The following STPG2 variants were observed in gnomAD, a reference collection of about 807,000 sequenced individuals.
The protein encoded by STPG2 is sperm-tail PG-rich repeat-containing protein 2.
Under a neutral mutation model 54.2 loss-of-function variants are expected in STPG2, and 56 were observed. The observed-to-expected ratio is 1.03, with a 90% confidence interval of 0.83 to 1.29. The LOEUF (loss-of-function observed/expected upper bound fraction) is 1.29. Among genes scored for constraint, STPG2 ranks in the 50% most tolerant of loss-of-function variants. The pLI is 0.00. For synonymous variants in STPG2, 200 were observed against 181.8 expected (o/e 1.10, Z -0.81); for missense variants, 596 against 544.9 (o/e 1.09, Z -0.93).
intron 7 of STPG2, among the ~76,000 whole-genome samples, chr4:97,965,082 C>T (rs1207088286): frequency 6.6e-6 from 1 of 152,184 alleles, no homozygotes; most frequent in Non-Finnish European, 1.5e-5. Context: ...TTTCCCTTTC[C>T]TAGCCAAGGG....
At chr4:97,776,606 T>C (rs2149066860) in intron 9 of STPG2, among the ~76,000 whole-genome samples, 1 of 152,318 alleles carries the variant, frequency 6.6e-6, no homozygotes, top group South Asian at 2.1e-4. Flanking sequence ...TGATGAGATC[T>C]GTCTAGTGTT....
At chr4:97,710,763 A>C (rs567771740) in intron 10 of STPG2, among the ~76,000 whole-genome samples, 1 of 152,080 alleles carries the variant, frequency 6.6e-6, no homozygotes, top group Non-Finnish European at 1.5e-5. Context: ...TCTTTAAAGA[A>C]GGAAAATTAT....
At chr4:97,801,057 C>A (rs1727379244) in intron 9 of STPG2, among the ~76,000 whole-genome samples, 1 of 152,094 alleles carries the variant, frequency 6.6e-6, no homozygotes, top group African/African-American at 2.4e-5. Context: ...TCGGACTGAC[C>A]CAATTTTCCA....
At chr4:98,098,113 A>G (rs899080159) in intron 5 of STPG2, among the ~76,000 whole-genome samples, 7 of 152,136 alleles carry the variant, frequency 4.6e-5, no homozygotes, top group Non-Finnish European at 1.0e-4. Context: ...CAGAAACAAA[A>G]AGAAAAAAAC....
chr4:97,768,581 T>C (rs983945946), intron 9 of STPG2, among the ~76,000 whole-genome samples: 1 of 152,214 alleles, frequency 6.6e-6, no homozygotes, highest in Non-Finnish European at 1.5e-5. Context: ...TGTTCAAAAC[T>C]GGCAGTAATA....
At chr4:98,088,994 C>G (rs13149779) in intron 5 of STPG2, among the ~76,000 whole-genome samples, 1 of 151,910 alleles carries the variant, frequency 6.6e-6, no homozygotes, top group African/African-American at 2.4e-5. Flanking sequence ...TAACAACTCT[C>G]TTGAAATTCA....
intron 9 of STPG2, among the ~76,000 whole-genome samples, chr4:97,750,043 C>A (rs932525036): frequency 2.0e-5 from 3 of 151,762 alleles, no homozygotes; most frequent in African/African-American, 7.2e-5. Flanking sequence ...GCATATAATA[C>A]AAATGCTATT....
intron 4 of STPG2, among the ~76,000 whole-genome samples, chr4:97,553,151 A>T (rs978978361): frequency 6.6e-6 from 1 of 152,190 alleles, no homozygotes; most frequent in African/African-American, 2.4e-5. Context: ...TTTCTTTATG[A>T]CATGAATGTT....
intron 9 of STPG2, among the ~76,000 whole-genome samples, chr4:97,749,919 T>C (rs1725532598): frequency 6.6e-6 from 1 of 151,744 alleles, no homozygotes. Context: ...GAGGCCTTGG[T>C]TGAGGACAGT....
intron 10 of STPG2, among the ~76,000 whole-genome samples, chr4:97,701,458 C>G (rs1232782639): frequency 6.6e-6 from 1 of 152,124 alleles, no homozygotes; most frequent in Non-Finnish European, 1.5e-5. Flanking sequence ...TTTCCCTTTC[C>G]CCAATGCACA....
chr4:98,005,345 A>G (rs545733934), intron 5 of STPG2, among the ~76,000 whole-genome samples: 3 of 152,322 alleles, frequency 2.0e-5, no homozygotes, highest in Non-Finnish European at 2.9e-5. Context: ...GCATCCTTCA[A>G]TCCAATCAAG....
intron 7 of STPG2, among the ~76,000 whole-genome samples, chr4:97,961,207 G>T (rs1464637872): frequency 6.6e-6 from 1 of 152,026 alleles, no homozygotes; most frequent in Non-Finnish European, 1.5e-5. Context: ...CTCAAGATGG[G>T]TCAAGAACTT....
chr4:98,041,030 C>T (rs1736937304), intron 5 of STPG2, among the ~76,000 whole-genome samples: 11 of 151,490 alleles, frequency 7.3e-5, no homozygotes. Context: ...CAGTGTTTCA[C>T]CATTTTCCTT....
intron 9 of STPG2, among the ~76,000 whole-genome samples, chr4:97,729,750 G>A (rs1423381448): frequency 6.6e-6 from 1 of 152,086 alleles, no homozygotes; most frequent in African/African-American, 2.4e-5. Flanking sequence ...AAATACTAAA[G>A]GACCCAGACA....
chr4:98,143,034 C>T lies in STPG2; in HGVS notation c.109+8G>A. ...GTCACAGGAGCTCTGCCTCTTCCTA[C>T]ATCTTACCTGTCGCCTGCTGCTTCA... On this transcript the variant is annotated splice_region_variant and intron_variant, in intron 1 of 10. Coordinates refer to ENST00000295268, the MANE Select transcript of STPG2 (RefSeq NM_174952.3). 6.2e-7 allele frequency: 1 copy of T among 1,606,908 alleles called. No homozygotes were observed. Among genetic ancestry groups the T allele is most frequent in the Non-Finnish European group, 8.5e-7 (1 of 1,175,686 alleles).
At chr4:98,103,838 C>A (rs977941423) in intron 5 of STPG2, among the ~76,000 whole-genome samples, 5 of 152,094 alleles carry the variant, frequency 3.3e-5, no homozygotes, top group Non-Finnish European at 5.9e-5. Context: ...ATTTTCTTCT[C>A]ATCTTTGTAT....
At chr4:97,524,676 CCT>C (rs1731247587) in intron 4 of STPG2, among the ~76,000 whole-genome samples, 1 of 151,906 alleles carries the variant, frequency 6.6e-6, no homozygotes, top group South Asian at 2.1e-4. Context: ...TTACAGCAAT[CCT>C]CTTTTTTGGA....
At chr4:98,021,526 A>G (rs1736193331) in intron 5 of STPG2, among the ~76,000 whole-genome samples, 1 of 152,074 alleles carries the variant, frequency 6.6e-6, no homozygotes, top group African/African-American at 2.4e-5. Context: ...GTAGATGTCT[A>G]TTAGGTCTGC....
At chr4:97,963,873 A>C (rs1174634162) in intron 7 of STPG2, among the ~76,000 whole-genome samples, 1 of 152,112 alleles carries the variant, frequency 6.6e-6, no homozygotes, top group Non-Finnish European at 1.5e-5. Flanking sequence ...TTTAGAGTAC[A>C]TGTAGGTATG....
Sources: gnomAD v4.1 joint callset for allele counts (sites outside exome capture counted in the v4.1 genomes callset) on GRCh38, gnomAD v4.1.1 for gene constraint, MANE v1.5 for transcripts, NCBI Gene and HGNC (gene_info 2026-07-23, HGNC 2026-07-21) for gene names.